The following LIPA variants were observed in gnomAD, a reference collection of about 807,000 sequenced individuals.
LIPA encodes the protein lipase A, lysosomal acid type.
Under a neutral mutation model 40.6 loss-of-function variants are expected in LIPA, and 26 were observed. The observed-to-expected ratio is 0.64, with a 90% CI of 0.47 to 0.89. The LOEUF (loss-of-function observed/expected upper bound fraction) is 0.89. Among genes scored for constraint, LIPA ranks in the 40% least tolerant of loss-of-function variants. LIPA has a pLI of 0.00. For missense variants in LIPA, 455 were observed against 479.6 expected (o/e 0.95, Z 0.48); for synonymous variants, 188 against 168.4 (o/e 1.12, Z -0.90).
intron 1 of LIPA, among the ~76,000 whole-genome samples, 189 bp downstream of exon 1, chr10:89,251,548 T>C (rs755437946): frequency 6.6e-6 from 1 of 152,156 alleles, no homozygotes; most frequent in Non-Finnish European, 1.5e-5. Flanking sequence ...CCCTGGTTGA[T>C]TGGCAGATGC....
chr10:89,258,571 A>G (rs1269586404), intron 1 of LIPA, among the ~76,000 whole-genome samples: 1 of 152,198 alleles, frequency 6.6e-6, no homozygotes, highest in Non-Finnish European at 1.5e-5. Context: ...GGATGTGGAG[A>G]AATGTGAACC....
chr10:89,246,813 C>T (rs1341666092), intron 2 of LIPA, among the ~76,000 whole-genome samples: 1 of 152,040 alleles, frequency 6.6e-6, no homozygotes, highest in Non-Finnish European at 1.5e-5. Context: ...GATACTTTGA[C>T]TTCTGTATAG....
chr10:89,348,221 G>A (rs1200528862), intron 2 of LIPA, among the ~76,000 whole-genome samples: 2 of 152,148 alleles, frequency 1.3e-5, no homozygotes, highest in Non-Finnish European at 2.9e-5. Flanking sequence ...CAGACAGAAG[G>A]GAAATCTTCC....
intron 2 of LIPA, among the ~76,000 whole-genome samples, chr10:89,386,801 T>C (rs927573451): frequency 3.3e-5 from 5 of 152,202 alleles, no homozygotes; most frequent in Non-Finnish European, 1.5e-5. Flanking sequence ...CTCAGCTAGT[T>C]AGTAAGTTGT....
chr10:89,384,113 T>C (rs767946853), intron 2 of LIPA: 2 of 1,614,182 alleles, frequency 1.2e-6, no homozygotes, highest in Non-Finnish European at 1.7e-6. Flanking sequence ...AAAGGGTCTG[T>C]GGATAAAGCT....
intron 9 of LIPA, among the ~76,000 whole-genome samples, chr10:89,215,570 A>T (rs1186302913): frequency 6.6e-6 from 1 of 152,246 alleles, no homozygotes; most frequent in Non-Finnish European, 1.5e-5. Flanking sequence ...TAGCATGCTC[A>T]AAAATGCTAA....
At chr10:89,368,843 C>T (rs191267166) in intron 2 of LIPA, among the ~76,000 whole-genome samples, 4 of 151,974 alleles carry the variant, frequency 2.6e-5, no homozygotes, top group Non-Finnish European at 5.9e-5. Context: ...GAAAGACATA[C>T]CCCCAGACCA....
At chr10:89,272,748 G>A (rs1047898559) in intron 1 of LIPA, among the ~76,000 whole-genome samples, 26 of 152,090 alleles carry the variant, frequency 1.7e-4, no homozygotes, top group African/African-American at 6.0e-4. Flanking sequence ...CTACAACCTC[G>A]CCAGCATCTA....
chr10:89,280,113 G>C (rs537078378), intron 1 of LIPA, among the ~76,000 whole-genome samples: 5 of 152,102 alleles, frequency 3.3e-5, no homozygotes, highest in Middle Eastern at 3.4e-3. Context: ...AGATACCCAA[G>C]ATTTATCATT....
At chr10:89,392,690 C>T (rs1417766172) in intron 2 of LIPA, 2 of 1,613,720 alleles carry the variant, frequency 1.2e-6, no homozygotes, top group East Asian at 4.5e-5. Flanking sequence ...CCCTGCAGAA[C>T]GGCTGCCTAA....
At chr10:89,341,714 G>T (rs1843872190) in intron 1 of LIPA, among the ~76,000 whole-genome samples, 1 of 152,106 alleles carries the variant, frequency 6.6e-6, no homozygotes. Context: ...TCATCTCTCA[G>T]AATTTAGAAT....
chr10:89,301,661 G>T (rs1351623390), intron 1 of LIPA, among the ~76,000 whole-genome samples: 1 of 152,108 alleles, frequency 6.6e-6, no homozygotes, highest in Non-Finnish European at 1.5e-5. Context: ...CAGGAAGTGG[G>T]GTTTGCTATT....
Position 89,402,713 on chromosome 10 carries a change from A to G in LIPA, c.61+10078T>C, listed in dbSNP as rs540304169. The G allele has an allele frequency of 6.8e-6, 11 of 1,614,222 alleles. No individual in the cohort carries two copies. The Admixed American group carries it at 1.8e-4, about 27-fold the overall frequency. On this transcript the variant is annotated intron_variant, in intron 2 of 8. Coordinates refer to the LIPA transcript ENST00000371837. ...GTCCAGAAATAGACTGTGAGGAAGG[A>G]TGGGCCTTGCTGAAGTGTGGAGGAA... is the stretch of plus-strand genomic sequence containing the variant.
rs886970852 is a variant in LIPA at position 89,286,241 on chromosome 10, C to T, written c.-1-38592G>A. On this transcript the variant is annotated intron_variant, in intron 1 of 5. Coordinates refer to the LIPA transcript ENST00000282673. ...CTCATCCCAAATCTTCCTTCTTTCC[C>T]TCCTGCCTGTCCCCTCAGTTCCAAC... Among the ~76,000 whole-genome samples, 14 of 152,200 alleles carry T rather than the reference C, an allele frequency of 9.2e-5. No individual in the cohort carries two copies. In the East Asian group the frequency reaches 2.7e-3, roughly 29 times the overall value.
intron 2 of LIPA, among the ~76,000 whole-genome samples, chr10:89,397,674 C>A (rs1435553775): frequency 7.4e-6 from 1 of 134,984 alleles, no homozygotes; most frequent in East Asian, 2.8e-4. Flanking sequence ...TTGTCTTGAT[C>A]CAGAGCATTT....
intron 1 of LIPA, among the ~76,000 whole-genome samples, chr10:89,297,095 G>GA (rs1345349231): frequency 1.3e-5 from 2 of 152,150 alleles, no homozygotes; most frequent in Admixed American, 6.5e-5. Context: ...GAAGTCATGG[G>GA]AAACACCCAA....
chr10:89,389,341 C>T (rs1014740080), intron 2 of LIPA, among the ~76,000 whole-genome samples: 3 of 152,156 alleles, frequency 2.0e-5, no homozygotes, highest in South Asian at 2.1e-4. Flanking sequence ...TTTCATGTCA[C>T]TACAATGCCT....
At chr10:89,384,258 G>A (rs1224464690) in intron 2 of LIPA, 1 of 1,614,156 alleles carries the variant, frequency 6.2e-7, no homozygotes, top group Non-Finnish European at 8.5e-7. Context: ...GGCAAGATAG[G>A]GAAACTGTGG....
chr10:89,340,996 A>T (rs1035844730), intron 1 of LIPA: 1 of 152,254 alleles, frequency 6.6e-6, no homozygotes, highest in African/African-American at 2.4e-5. Context: ...TGGTTTGTGT[A>T]TGGGACTATA....
Sources: allele counts gnomAD v4.1 joint callset (sites outside exome capture counted in the v4.1 genomes callset), GRCh38; gene constraint gnomAD v4.1.1; transcripts MANE v1.5; gene names NCBI Gene and HGNC (gene_info 2026-07-23, HGNC 2026-07-21).